The following ZSWIM3 variants were observed in gnomAD, a reference collection of about 807,000 sequenced individuals.
The protein encoded by ZSWIM3 is zinc finger SWIM domain-containing protein 3.
Under a neutral mutation model 47.5 loss-of-function variants are expected in ZSWIM3, and 27 were observed. That is an observed-to-expected ratio of 0.57 (90% CI 0.42 to 0.78). The LOEUF is 0.78. ZSWIM3 is among the 30% of genes least tolerant of loss of function. The probability of loss-of-function intolerance (pLI) is 0.00; values close to 1 mark genes in which losing one functional copy is unlikely to be tolerated. For missense variants in ZSWIM3, 689 were observed against 861.3 expected, an observed-to-expected ratio of 0.80 and a Z score of 2.50; for synonymous variants, 333 against 333.9, an observed-to-expected ratio of 1.00 and a Z score of 0.03.
intron 1 of ZSWIM3, chr20:45,872,873 C>T (rs1399972887): frequency 8.2e-7 from 1 of 1,216,116 alleles, no homozygotes; most frequent in Non-Finnish European, 1.0e-6. Flanking sequence ...TACTGTGAGA[C>T]TCACACATCC....
chr20:45,862,946 T>G (rs1343961744), intron 1 of ZSWIM3, among the ~76,000 whole-genome samples: 1 of 152,192 alleles, frequency 6.6e-6, no homozygotes, highest in East Asian at 1.9e-4. Context: ...CACTGCATTA[T>G]TATATAGAGG....
At chr20:45,870,100 T>C (rs1293656262) in intron 1 of ZSWIM3, among the ~76,000 whole-genome samples, 1 of 150,394 alleles carries the variant, frequency 6.6e-6, no homozygotes, top group Non-Finnish European at 1.5e-5. Flanking sequence ...TCCTAGCACT[T>C]TGGGAGGCTA....
intron 1 of ZSWIM3, among the ~76,000 whole-genome samples, chr20:45,874,252 C>T (rs1013038103): frequency 1.2e-4 from 19 of 152,184 alleles, no homozygotes; most frequent in African/African-American, 4.6e-4. Context: ...TGGCTCACGC[C>T]TGTAATCTCA....
At chr20:45,867,108 G>A (rs1185256905) in intron 1 of ZSWIM3, among the ~76,000 whole-genome samples, 1 of 147,518 alleles carries the variant, frequency 6.8e-6, no homozygotes, top group African/African-American at 2.5e-5. Flanking sequence ...CCGAGTTCAA[G>A]CAATTCTCGT....
chr20:45,868,462 C>T (rs779816841), intron 1 of ZSWIM3, among the ~76,000 whole-genome samples: 5 of 151,510 alleles, frequency 3.3e-5, no homozygotes, highest in East Asian at 1.9e-4. Flanking sequence ...CTGTCCAGGC[C>T]GGAGTGCAGT....
chr20:45,860,593 T>C (rs987710716), intron 1 of ZSWIM3, among the ~76,000 whole-genome samples: 2 of 151,662 alleles, frequency 1.3e-5, no homozygotes, highest in Non-Finnish European at 2.9e-5. Flanking sequence ...CCTTGGGTCA[T>C]GGCCCCCTTC....
At chr20:45,875,016 G>A (rs1048015312) in intron 1 of ZSWIM3, among the ~76,000 whole-genome samples, 1 of 151,038 alleles carries the variant, frequency 6.6e-6, no homozygotes, top group East Asian at 2.0e-4. Flanking sequence ...CCCTGATTTG[G>A]GGGGGGTTTT....
intron 1 of ZSWIM3, among the ~76,000 whole-genome samples, chr20:45,860,215 G>T (rs1051761743): frequency 1.3e-5 from 2 of 152,174 alleles, no homozygotes; most frequent in Non-Finnish European, 2.9e-5. Context: ...TGGAGTCCCT[G>T]GGTAAGAATC....
Position 45,878,328 on chromosome 20 carries a change from C to T in ZSWIM3, c.1770C>T (p.Tyr590=). 3 of 1,614,246 alleles carry T rather than the reference C, an allele frequency of 1.9e-6. No homozygotes were observed. The highest frequency in any genetic ancestry group is 2.5e-6 in the Non-Finnish European group (3 of 1,180,050). Residue 590 remains tyrosine (Y), a synonymous_variant, in exon 2 of 2, where the codon TAC becomes TAT. Transcript: ENST00000255152. ...GCCGGTGGCAGAAGAAGTACCAGTA[C>T]CTCCTTGGGCCCAATGGGGAGCTCC... is the stretch of plus-strand genomic sequence containing the variant. The part of the protein sequence containing the change: ...VCRRWQKKYQ[Y]LLGPNGELQD...
Position 45,878,409 on chromosome 20 carries a change from C to G in ZSWIM3, c.1851C>G (p.Asp617Glu), listed in dbSNP as rs1443845851. The change falls in exon 2 of 2, where the codon GAC becomes GAG. Residue 617 changes from aspartate to glutamate, a missense_variant. Physicochemically the swap from Asp to Glu is conservative, Grantham distance 45. Coordinates refer to ENST00000255152, the MANE Select transcript of ZSWIM3 (RefSeq NM_080752.4). ...AGCCTGAGAAGCAAGGACGGAACGACATGATTCAGGACCTAAGCAGGGAGT... is the reference window on the plus strand; with the variant it reads ...AGCCTGAGAAGCAAGGACGGAACGAGATGATTCAGGACCTAAGCAGGGAGT... ...TGQPEKQGRN[D>E]MIQDLSRELA... The G allele has an allele frequency of 1.1e-5, 17 of 1,614,108 alleles. No individual in the cohort carries two copies. The highest frequency in any genetic ancestry group is 1.3e-5 in the Non-Finnish European group (15 of 1,180,058).
At chr20:45,869,868 C>G (rs954068074) in intron 1 of ZSWIM3, among the ~76,000 whole-genome samples, 3 of 151,140 alleles carry the variant, frequency 2.0e-5, no homozygotes, top group African/African-American at 7.3e-5. Context: ...CATGATGAAA[C>G]CCCCATCTCT....
rs141409318 is a variant in ZSWIM3 at position 45,872,858 on chromosome 20, C to G, written c.156-3856C>G. On this transcript the variant is annotated intron_variant, in intron 1 of 1. Transcript: ENST00000255152. ...CACTCTCAGCCCCAAACCCCTCCAGCCTGTTACTGTGAGACTCACACATCC... is the reference window on the plus strand; with the variant it reads ...CACTCTCAGCCCCAAACCCCTCCAGGCTGTTACTGTGAGACTCACACATCC... The G allele has an allele frequency of 4.5e-5, 56 of 1,248,708 alleles. No individual in the cohort carries two copies. In the East Asian group the frequency reaches 3.1e-3, roughly 69 times the overall value. The allele number at this position is 1,248,708 out of a possible 1,614,324, so 77.4% of individuals were successfully genotyped here. A position where few individuals can be genotyped will look rare whatever the true frequency, so the allele number is the denominator to read the frequency against.
At chr20:45,870,597 A>G (rs1985951918) in intron 1 of ZSWIM3, among the ~76,000 whole-genome samples, 1 of 152,130 alleles carries the variant, frequency 6.6e-6, no homozygotes, top group Admixed American at 6.6e-5. Flanking sequence ...CTGATTATTC[A>G]TATTGTTATT....
intron 1 of ZSWIM3, 36 bp downstream of exon 1, chr20:45,858,016 G>T: frequency 6.3e-7 from 1 of 1,579,468 alleles, no homozygotes; most frequent in East Asian, 2.3e-5. Context: ...CCAAGAGGGT[G>T]GGGAGGAGGC....
chr20:45,868,728 T>C (rs960746067), intron 1 of ZSWIM3, among the ~76,000 whole-genome samples: 1 of 152,126 alleles, frequency 6.6e-6, no homozygotes, highest in Non-Finnish European at 1.5e-5. Flanking sequence ...TTGCTTTAAG[T>C]CATTCTTTGA....
intron 1 of ZSWIM3, among the ~76,000 whole-genome samples, chr20:45,862,085 T>C (rs1985722154): frequency 1.3e-5 from 2 of 151,926 alleles, no homozygotes; most frequent in Non-Finnish European, 1.5e-5. Flanking sequence ...ATTAAAAATA[T>C]TTTCAAAAAG....
intron 1 of ZSWIM3, among the ~76,000 whole-genome samples, chr20:45,862,980 G>C (rs887192875): frequency 1.4e-4 from 21 of 152,164 alleles, no homozygotes; most frequent in African/African-American, 3.6e-4. Flanking sequence ...CTTCCTGAGA[G>C]ATACTGAGGC....
chr20:45,876,992 T>C lies in ZSWIM3; in HGVS notation c.434T>C (p.Leu145Pro). The change falls in exon 2 of 2, where the codon CTG becomes CCG. Residue 145 changes from leucine (L) to proline (P), a missense_variant. Leu to Pro is a moderately conservative substitution (Grantham distance 98, BLOSUM62 -3). Coordinates refer to ENST00000255152, the MANE Select transcript of ZSWIM3 (RefSeq NM_080752.4). ...GACCTTGACACTGCCGAGAAGTCCC[T>C]GGTTGAGCCATCGTTTTGCCTAGAT... ...KKDLDTAEKS[L>P]VEPSFCLDKV... is the part of the protein sequence containing the mutation. The C allele has an allele frequency of 1.9e-6, 3 of 1,614,134 alleles. No homozygotes were observed. Among genetic ancestry groups the C allele is most frequent in the Non-Finnish European group, 2.5e-6 (3 of 1,180,016 alleles).
chr20:45,878,403 G>C lies in ZSWIM3; in HGVS notation c.1845G>C (p.Arg615=). The C allele has an allele frequency of 1.9e-6, 3 of 1,614,252 alleles. No homozygotes were observed. The highest frequency in any genetic ancestry group is 2.2e-5 in the East Asian group (1 of 44,892). Residue 615 remains arginine (R), a synonymous_variant, in exon 2 of 2, where the codon CGG becomes CGC. Coordinates refer to ENST00000255152, the MANE Select transcript of ZSWIM3 (RefSeq NM_080752.4). ...PNTGQPEKQG[R]NDMIQDLSRE... ...CAGGCCAGCCTGAGAAGCAAGGACG[G>C]AACGACATGATTCAGGACCTAAGCA...
Sources: gnomAD v4.1 joint callset for allele counts (sites outside exome capture counted in the v4.1 genomes callset) on GRCh38, gnomAD v4.1.1 for gene constraint, MANE v1.5 for transcripts, NCBI Gene and HGNC (gene_info 2026-07-23, HGNC 2026-07-21) for gene names.